Variants in RPRD1B observed in about 807,000 individuals in gnomAD.
The protein encoded by RPRD1B is regulation of nuclear pre-mRNA domain-containing protein 1B.
Under a neutral mutation model 41.5 loss-of-function variants are expected in RPRD1B, and 11 were observed. The ratio of observed to expected loss-of-function variants is 0.27; its 90% CI spans 0.17 to 0.44. The LOEUF (loss-of-function observed/expected upper bound fraction) is 0.44, where lower values mean the gene tolerates loss of function less well. Among genes scored for constraint, RPRD1B ranks in the 20% least tolerant of loss-of-function variants. The pLI is 1.00. For synonymous variants in RPRD1B, 158 were observed against 155.6 expected (o/e 1.02, Z -0.12); for missense variants, 248 against 389.9 (o/e 0.64, Z 3.06).
At chr20:38,065,846 T>A (rs977627920) in intron 5 of RPRD1B, 1 of 373,064 alleles carries the variant, frequency 2.7e-6, no homozygotes. Flanking sequence ...CTTTGCCAGA[T>A]TCCCCCCATG....
intron 6 of RPRD1B, among the ~76,000 whole-genome samples, chr20:38,066,789 G>A (rs1002388484): frequency 6.6e-6 from 1 of 152,036 alleles, no homozygotes; most frequent in African/African-American, 2.4e-5. Context: ...CCAAGTAGCT[G>A]GAACTACAGG....
At chr20:38,070,495 G>A in intron 6 of RPRD1B, 1 of 985,540 alleles carries the variant, frequency 1.0e-6, no homozygotes, top group Non-Finnish European at 1.2e-6. Flanking sequence ...GAGAAGCTTT[G>A]TTTGTGGTTG....
At chr20:38,078,495 C>A (rs2122760106) in intron 6 of RPRD1B, among the ~76,000 whole-genome samples, 1 of 152,096 alleles carries the variant, frequency 6.6e-6, no homozygotes, top group African/African-American at 2.4e-5. Flanking sequence ...ACTGTCTTAG[C>A]TCCCTAGCTT....
At chr20:38,086,536 T>C (rs1238709595) in intron 6 of RPRD1B, among the ~76,000 whole-genome samples, 1 of 151,938 alleles carries the variant, frequency 6.6e-6, no homozygotes, top group Non-Finnish European at 1.5e-5. Context: ...ACAGGGTCTC[T>C]ATTTCCCAGG....
At chr20:38,070,522 T>G (rs1236590047) in intron 6 of RPRD1B, 3 of 985,370 alleles carry the variant, frequency 3.0e-6, no homozygotes, top group Non-Finnish European at 3.6e-6. Flanking sequence ...GTGACTACAT[T>G]ACTCCCAGAT....
At chr20:38,088,920 G>A (rs1241549061) in intron 6 of RPRD1B, among the ~76,000 whole-genome samples, 1 of 152,184 alleles carries the variant, frequency 6.6e-6, no homozygotes, top group Non-Finnish European at 1.5e-5. Flanking sequence ...GGCTTTGCTA[G>A]GGCTAGGAGA....
intron 5 of RPRD1B, among the ~76,000 whole-genome samples, chr20:38,062,830 C>CCCT (rs1246768876): frequency 1.2e-5 from 1 of 84,462 alleles, no homozygotes; most frequent in African/African-American, 5.7e-5. Flanking sequence ...AAGCCAGAGC[C>CCCT]CCCCCCCCTT....
chr20:38,053,764 T>C (rs1157077381), intron 3 of RPRD1B, among the ~76,000 whole-genome samples: 1 of 152,198 alleles, frequency 6.6e-6, no homozygotes, highest in East Asian at 1.9e-4. Flanking sequence ...GAATATATTT[T>C]GGGTAAAAAT....
chr20:38,065,688 A>G (rs2074347789), intron 5 of RPRD1B, among the ~76,000 whole-genome samples: 1 of 152,138 alleles, frequency 6.6e-6, no homozygotes, highest in African/African-American at 2.4e-5. Context: ...CAGATACAGA[A>G]CCCACAGATA....
intron 2 of RPRD1B, among the ~76,000 whole-genome samples, chr20:38,041,092 G>T (rs1354538543): frequency 1.3e-5 from 2 of 152,194 alleles, no homozygotes; most frequent in Admixed American, 6.5e-5. Context: ...GTGCTGTTGT[G>T]TTTTGTGGCA....
At chr20:38,077,744 A>AGGC (rs2074477644) in intron 6 of RPRD1B, among the ~76,000 whole-genome samples, 2 of 152,126 alleles carry the variant, frequency 1.3e-5, no homozygotes, top group Admixed American at 1.3e-4. Flanking sequence ...CTCATGACTG[A>AGGC]TCATCTACAT....
At position 38,091,510 on chromosome 20, in the gene RPRD1B, C is replaced by T. The variant is rs1394574762; in HGVS notation, c.*1635C>T. The T allele has an allele frequency of 1.0e-5, 10 of 985,260 alleles. No individual in the cohort carries two copies. The highest frequency in any genetic ancestry group is 9.4e-5 in the South Asian group (2 of 21,286). 61.0% of individuals were successfully genotyped at this position (985,260 alleles called of 1,614,324 possible). ...TGTGTTGTTTGCTTATGGACACTGC[C>T]TGTCGTTCTGTCACTGTTAAATTAA... On this transcript the variant is annotated 3_prime_UTR_variant, in exon 7 of 7. Coordinates refer to ENST00000373433, the MANE Select transcript of RPRD1B (RefSeq NM_021215.4).
chr20:38,077,846 A>G (rs2074478621), intron 6 of RPRD1B, among the ~76,000 whole-genome samples: 1 of 152,096 alleles, frequency 6.6e-6, no homozygotes, highest in African/African-American at 2.4e-5. Context: ...CTGTTTAAAC[A>G]TTTAAGTAGC....
chr20:38,089,588 T>G (rs1233877991), intron 6 of RPRD1B, 138 bp from the exon 7 acceptor site: 6 of 648,244 alleles, frequency 9.3e-6, no homozygotes, highest in Non-Finnish European at 1.6e-5. Flanking sequence ...CCTAGCTTTG[T>G]GATATAGCTG....
chr20:38,042,587 C>CTT (rs2074077696), intron 2 of RPRD1B, among the ~76,000 whole-genome samples: 2 of 152,012 alleles, frequency 1.3e-5, no homozygotes, highest in South Asian at 4.2e-4. Flanking sequence ...TGTTTGCATT[C>CTT]TGGTTCTTTT....
chr20:38,053,498 G>A (rs1296201743), intron 3 of RPRD1B, among the ~76,000 whole-genome samples: 2 of 152,192 alleles, frequency 1.3e-5, no homozygotes, highest in African/African-American at 4.8e-5. Flanking sequence ...TGTCGGAGAA[G>A]AACGCTTGCC....
intron 3 of RPRD1B, among the ~76,000 whole-genome samples, chr20:38,053,989 C>T (rs1193507868): frequency 6.6e-6 from 1 of 152,084 alleles, no homozygotes; most frequent in African/African-American, 2.4e-5. Flanking sequence ...TGAGGGACAA[C>T]TGTATAGTCT....
chr20:38,058,510 G>A (rs1048847641), intron 4 of RPRD1B, among the ~76,000 whole-genome samples: 4 of 152,048 alleles, frequency 2.6e-5, no homozygotes, highest in Non-Finnish European at 5.9e-5. Context: ...ATTATGGAGT[G>A]GCCTGTTAGC....
intron 1 of RPRD1B, among the ~76,000 whole-genome samples, chr20:38,034,923 C>T (rs1378620920): frequency 6.6e-6 from 1 of 152,166 alleles, no homozygotes; most frequent in Non-Finnish European, 1.5e-5. Flanking sequence ...CCTGTCTGTG[C>T]CTTAATTTTC....
Sources: allele counts gnomAD v4.1 joint callset (sites outside exome capture counted in the v4.1 genomes callset), GRCh38; gene constraint gnomAD v4.1.1; transcripts MANE v1.5; gene names NCBI Gene and HGNC (gene_info 2026-07-23, HGNC 2026-07-21).